ST18: variants seen among roughly 807,000 people sequenced by gnomAD.
ST18 encodes suppression of tumorigenicity 18 protein.
In ST18, 50 loss-of-function variants were observed where a neutral mutation model predicts 110.0. That is an observed-to-expected ratio of 0.45 (90% CI 0.36 to 0.58). ST18 has a LOEUF of 0.58. Among genes scored for constraint, ST18 ranks in the 20% least tolerant of loss-of-function variants. The pLI, the probability that ST18 is intolerant of heterozygous loss-of-function variation, is 0.00. For synonymous variants in ST18, 461 were observed against 452.4 expected (o/e 1.02, Z -0.24); for missense variants, 1,306 against 1,280.1 (o/e 1.02, Z -0.31).
Position 52,113,292 on chromosome 8 carries a change from G to T in ST18, c.3050C>A (p.Thr1017Lys). Residue 1017 changes from threonine to lysine, a missense_variant, in exon 26 of 26, where the codon ACA becomes AAA. Transcript: ENST00000689386. ...CCGTTCCAGATTGCTGTACATATCTGTGAGTGTATTTACATATGCTTCAAA... is the reference window on the plus strand; with the variant it reads ...CCGTTCCAGATTGCTGTACATATCTTTGAGTGTATTTACATATGCTTCAAA... ...QNFEAYVNTL[T>K]DMYSNLERDY... 1.2e-6 allele frequency: 2 copies of T among 1,614,046 alleles called. No homozygotes were observed. The highest frequency in any genetic ancestry group is 2.2e-5 in the South Asian group (2 of 91,052).
intron 2 of ST18, among the ~76,000 whole-genome samples, chr8:52,396,263 T>C (rs931603861): frequency 6.6e-6 from 1 of 152,112 alleles, no homozygotes; most frequent in Non-Finnish European, 1.5e-5. Context: ...ACTACTTTAT[T>C]TTTTTGACCT....
At chr8:52,232,885 CAGGA>C (rs1367111195) in intron 2 of ST18, among the ~76,000 whole-genome samples, 1 of 151,812 alleles carries the variant, frequency 6.6e-6, no homozygotes, top group Non-Finnish European at 1.5e-5. Flanking sequence ...CTGCTCAGTT[CAGGA>C]AGGACTAGTT....
At chr8:52,399,018 A>ATTC in intron 2 of ST18, among the ~76,000 whole-genome samples, 1 of 152,116 alleles carries the variant, frequency 6.6e-6, no homozygotes, top group Admixed American at 6.5e-5. Flanking sequence ...ATTGGTAATA[A>ATTC]TTCTTCTTTG....
chr8:52,219,185 T>C (rs2085642010), intron 5 of ST18, among the ~76,000 whole-genome samples: 1 of 152,174 alleles, frequency 6.6e-6, no homozygotes, highest in Admixed American at 6.5e-5. Context: ...CAAAGATGTT[T>C]ACCTGTCACA....
chr8:52,397,692 T>C (rs1205145423), intron 2 of ST18, among the ~76,000 whole-genome samples: 2 of 152,178 alleles, frequency 1.3e-5, no homozygotes, highest in Non-Finnish European at 2.9e-5. Context: ...CAGCACTATT[T>C]ACTGAAGAGA....
At chr8:52,312,147 G>A (rs1324171940) in intron 2 of ST18, among the ~76,000 whole-genome samples, 1 of 152,170 alleles carries the variant, frequency 6.6e-6, no homozygotes, top group Non-Finnish European at 1.5e-5. Flanking sequence ...CAGATAGACA[G>A]TTGCTGAAAC....
chr8:52,343,250 C>T (rs144020342), intron 2 of ST18, among the ~76,000 whole-genome samples: 6 of 152,114 alleles, frequency 3.9e-5, no homozygotes, highest in African/African-American at 9.7e-5. Context: ...GTTACTAACC[C>T]GCCAGACAAT....
chr8:52,241,868 C>A (rs2093435581), intron 2 of ST18, among the ~76,000 whole-genome samples: 1 of 151,962 alleles, frequency 6.6e-6, no homozygotes, highest in Non-Finnish European at 1.5e-5. Flanking sequence ...GTAATTGAAA[C>A]TCTTCCTTCC....
chr8:52,173,472 C>T (rs888409111), intron 9 of ST18, among the ~76,000 whole-genome samples: 1 of 152,180 alleles, frequency 6.6e-6, no homozygotes, highest in Non-Finnish European at 1.5e-5. Flanking sequence ...TTGTCCCAGG[C>T]AGCCATTGTT....
intron 15 of ST18, among the ~76,000 whole-genome samples, chr8:52,151,196 C>T (rs2058723177): frequency 6.6e-6 from 1 of 152,034 alleles, no homozygotes; most frequent in Non-Finnish European, 1.5e-5. Flanking sequence ...AAACAACCCC[C>T]CACTCCCAAC....
At chr8:52,408,546 C>T (rs1265680672) in intron 2 of ST18, among the ~76,000 whole-genome samples, 1 of 152,172 alleles carries the variant, frequency 6.6e-6, no homozygotes, top group Non-Finnish European at 1.5e-5. Context: ...ATAGTGCTAA[C>T]GTTATGTGTA....
chr8:52,319,638 T>G (rs1803004763), intron 2 of ST18, among the ~76,000 whole-genome samples: 1 of 152,182 alleles, frequency 6.6e-6, no homozygotes, highest in African/African-American at 2.4e-5. Flanking sequence ...TTTAGTATTA[T>G]AAAACAACAA....
At chr8:52,271,821 C>T (rs1353683307) in intron 2 of ST18, among the ~76,000 whole-genome samples, 1 of 152,174 alleles carries the variant, frequency 6.6e-6, no homozygotes, top group Non-Finnish European at 1.5e-5. Context: ...TGAACAAATG[C>T]TTTCTTACTG....
intron 2 of ST18, among the ~76,000 whole-genome samples, chr8:52,379,527 C>T (rs1157963953): frequency 6.6e-6 from 1 of 151,722 alleles, no homozygotes; most frequent in African/African-American, 2.4e-5. Context: ...TTTTTTTCAA[C>T]ATATATATTA....
chr8:52,149,222 T>C (rs1586973249), intron 16 of ST18, among the ~76,000 whole-genome samples: 1 of 152,362 alleles, frequency 6.6e-6, no homozygotes, highest in East Asian at 1.9e-4. Context: ...TCAAGATTAA[T>C]TCAATTTAGA....
intron 2 of ST18, among the ~76,000 whole-genome samples, chr8:52,268,674 GA>G (rs1424762613): frequency 1.2e-4 from 18 of 152,128 alleles, no homozygotes; most frequent in African/African-American, 4.3e-4. Context: ...AGCGGTAAAG[GA>G]AGAAAAAGCC....
chr8:52,151,596 A>G (rs2058818680), intron 15 of ST18, among the ~76,000 whole-genome samples: 1 of 152,202 alleles, frequency 6.6e-6, no homozygotes, highest in Non-Finnish European at 1.5e-5. Flanking sequence ...GATATTAACC[A>G]TATCAGTGCC....
chr8:52,137,503 A>C lies in ST18; in HGVS notation c.2169-20T>G, dbSNP rs542065761. On this transcript the variant is annotated intron_variant, in intron 17 of 25. Coordinates refer to ENST00000689386, the MANE Select transcript of ST18 (RefSeq NM_001352837.2). ...GGACAGCTGAGTCAATAGAAAATAC[A>C]TCATTAGAGTCAAGCGCATTTCCCA... 21 of 1,613,458 alleles carry C rather than the reference A, an allele frequency of 1.3e-5. No individual in the cohort carries two copies. The South Asian group carries it at 2.0e-4, about 15-fold the overall frequency.
At chr8:52,215,512 A>G (rs1048753389) in intron 6 of ST18, among the ~76,000 whole-genome samples, 1 of 152,222 alleles carries the variant, frequency 6.6e-6, no homozygotes, top group Admixed American at 6.5e-5. Context: ...AGCTAAAACT[A>G]TTAAAACCAC....
Sources: allele counts gnomAD v4.1 joint callset (sites outside exome capture counted in the v4.1 genomes callset), GRCh38; gene constraint gnomAD v4.1.1; transcripts MANE v1.5; gene names NCBI Gene and HGNC (gene_info 2026-07-23, HGNC 2026-07-21).